NFATC3: variants seen among roughly 807,000 people sequenced by gnomAD.
The protein encoded by NFATC3 is nuclear factor of activated T-cells, cytoplasmic 3.
In NFATC3, 46 loss-of-function variants were observed where a neutral mutation model predicts 98.6. That is an observed-to-expected ratio of 0.47 (90% CI 0.37 to 0.60). The LOEUF (loss-of-function observed/expected upper bound fraction) is 0.60, where lower values mean the gene tolerates loss of function less well. Ranked by LOEUF, NFATC3 falls within the 20% of genes least tolerant of loss-of-function variation. NFATC3 has a pLI of 0.00. For synonymous variants in NFATC3, 512 were observed against 472.2 expected (o/e 1.08, Z -1.09); for missense variants, 1,256 against 1,295.5 (o/e 0.97, Z 0.47).
intron 3 of NFATC3, among the ~76,000 whole-genome samples, chr16:68,151,946 G>A (rs2038346626): frequency 6.6e-6 from 1 of 151,700 alleles, no homozygotes; most frequent in South Asian, 2.1e-4. Context: ...GCAGGCACCT[G>A]TAATCCCAGT....
intron 3 of NFATC3, among the ~76,000 whole-genome samples, chr16:68,154,082 A>AGT (rs1047323679): frequency 5.3e-5 from 8 of 151,578 alleles, no homozygotes; most frequent in Admixed American, 3.9e-4. Flanking sequence ...ATGCTCAGCT[A>AGT]GTGTGTGCGT....
At position 68,221,291 on chromosome 16, in the gene NFATC3, G is replaced by T. The variant is rs368222556; in HGVS notation, c.3107-5059G>T. ...ATATCTGAGGAATCTAGAGGTGAGA[G>T]CCTGAACCCAGAGCCCCCAGCCCGA... On this transcript the variant is annotated intron_variant, in intron 9 of 9. Coordinates refer to ENST00000346183, the MANE Select transcript of NFATC3 (RefSeq NM_173165.3). The T allele has an allele frequency of 9.3e-6, 15 of 1,613,722 alleles. No individual in the cohort carries two copies. In the African/African-American group the frequency reaches 1.7e-4, roughly 19 times the overall value.
chr16:68,118,233 T>G (rs970451849), intron 1 of NFATC3, among the ~76,000 whole-genome samples: 1 of 152,182 alleles, frequency 6.6e-6, no homozygotes, highest in Non-Finnish European at 1.5e-5. Flanking sequence ...AAAAAGGCCA[T>G]CTCTGTAATC....
At chr16:68,106,919 C>T (rs1567500293) in intron 1 of NFATC3, among the ~76,000 whole-genome samples, 1 of 152,012 alleles carries the variant, frequency 6.6e-6, no homozygotes, top group African/African-American at 2.4e-5. Context: ...TCTCGTGACC[C>T]CCACCCCCAG....
At position 68,174,525 on chromosome 16, in the gene NFATC3, T is replaced by C. The variant is rs1353644623; in HGVS notation, c.1915+11T>C. Reference sequence around the variant, plus strand: ...TTGAAAAAGGACAAGGTAAGTAATATATGAGTTGATTGACTTCAAACTAAG... The same window carrying C: ...TTGAAAAAGGACAAGGTAAGTAATACATGAGTTGATTGACTTCAAACTAAG... On this transcript the variant is annotated intron_variant, in intron 6 of 9. Transcript: ENST00000346183. 4.5e-6 allele frequency: 7 copies of C among 1,560,324 alleles called. No individual in the cohort carries two copies. The highest frequency in any genetic ancestry group is 1.9e-5 in the Admixed American group (1 of 51,636).
chr16:68,085,627 T>C lies in NFATC3; in HGVS notation c.-55T>C. On this transcript the variant is annotated 5_prime_UTR_variant, in exon 1 of 10. Coordinates refer to ENST00000346183, the MANE Select transcript of NFATC3 (RefSeq NM_173165.3). The stretch of plus-strand genomic sequence containing the variant: ...GCGTTGAGGAGCTGCTGCCGCCGCT[T>C]GCCGCTGCCGCCGCCGCCGCCTGAG... 6.9e-7 allele frequency: 1 copy of C among 1,444,012 alleles called. No individual in the cohort carries two copies. 89.4% of individuals were successfully genotyped at this position (1,444,012 alleles called of 1,614,324 possible). A position where few individuals can be genotyped will look rare whatever the true frequency, so the allele number is the denominator to read the frequency against.
intron 3 of NFATC3, among the ~76,000 whole-genome samples, chr16:68,145,072 G>A (rs546084860): frequency 1.3e-4 from 19 of 151,858 alleles, no homozygotes; most frequent in South Asian, 8.3e-4. Flanking sequence ...CCTCCCTGCC[G>A]TGGGATCACA....
In NFATC3 at chr16:68,174,519, GTAATATAT is replaced by G; in HGVS notation, c.1915+6_1915+13del. The G allele has an allele frequency of 6.3e-7, 1 of 1,585,426 alleles. No individual in the cohort carries two copies. Among genetic ancestry groups the G allele is most frequent in the Non-Finnish European group, 8.6e-7 (1 of 1,167,824 alleles). On this transcript the variant is annotated splice_donor_region_variant and intron_variant, in intron 6 of 9. Transcript: ENST00000346183. The stretch of plus-strand genomic sequence containing the variant: ...TTTTTCTTGAAAAAGGACAAGGTAA[GTAATATAT>G]GAGTTGATTGACTTCAAACTAAGGG...
At chr16:68,089,433 C>CTTAT (rs1000584242) in intron 1 of NFATC3, 2 of 303,456 alleles carry the variant, frequency 6.6e-6, no homozygotes, top group African/African-American at 4.5e-5. Flanking sequence ...CGTCAGCTTT[C>CTTAT]TTATTTATTT....
rs1198027607 is a variant in NFATC3, at chr16:68,122,651, C to T, written c.768C>T (p.Ser256=). 2 of 1,614,012 alleles carry T rather than the reference C, an allele frequency of 1.2e-6. No individual in the cohort carries two copies. The highest frequency in any genetic ancestry group is 1.7e-5 in the Admixed American group (1 of 60,002). Reference sequence around the variant, plus strand: ...GTGTCACTGATGAGAATTGGCTGAGCCCCAGGCCAGCCTCAGGACCCTCAT... The same window carrying T: ...GTGTCACTGATGAGAATTGGCTGAGTCCCAGGCCAGCCTCAGGACCCTCAT... ...RSSVTDENWL[S]PRPASGPSSR... The change falls in exon 2 of 10, where the codon AGC becomes AGT. Residue 256 remains serine (S), a synonymous_variant. Transcript: ENST00000346183.
At chr16:68,221,307 C>T (rs1161531051) in intron 9 of NFATC3, 2 of 1,612,538 alleles carry the variant, frequency 1.2e-6, no homozygotes, top group East Asian at 2.2e-5. Flanking sequence ...ACCCAGAGCC[C>T]CCAGCCCGAG....
chr16:68,142,420 G>T (rs1345871230), intron 3 of NFATC3, among the ~76,000 whole-genome samples: 2 of 152,120 alleles, frequency 1.3e-5, no homozygotes, highest in Non-Finnish European at 2.9e-5. Context: ...CTACCAATTT[G>T]TGTACATTGC....
At chr16:68,192,052 C>CA (rs1162055878) in intron 9 of NFATC3, 19 of 289,308 alleles carry the variant, frequency 6.6e-5, no homozygotes, top group African/African-American at 2.7e-4. Context: ...ACTAAAAATA[C>CA]AAAAAATTAG....
In NFATC3 at chr16:68,191,655, A is replaced by C. The variant is rs1306869381; in HGVS notation, c.2986A>C (p.Ser996Arg). 5.6e-6 allele frequency: 9 copies of C among 1,614,136 alleles called. No homozygotes were observed. The highest frequency in any genetic ancestry group is 4.5e-5 in the East Asian group (2 of 44,870). ...TGCACCTTCATCCTTAATATGTCAC[A>C]GTTTGTGTGATCCAGCGTCATTTCC... ...LSAPSSLICH[S>R]LCDPASFPPD... The change falls in exon 9 of 10, where the codon AGT becomes CGT. Residue 996 changes from serine (S) to arginine (R), a missense_variant. By Grantham distance (110) the Ser-to-Arg change is moderately radical. This residue lies in a region of NFATC3 where 636 missense variants were observed against 617.3 expected (regional missense o/e 1.03). Transcript: ENST00000346183.
In NFATC3 at chr16:68,226,928, A is replaced by AAG; in HGVS notation, c.*458_*459insGA. The AAG allele has an allele frequency of 6.7e-6, 1 of 149,308 alleles. No homozygotes were observed. Among genetic ancestry groups the AAG allele is most frequent in the Admixed American group, 6.7e-5 (1 of 14,994 alleles). 9.2% of individuals were successfully genotyped at this position (149,308 alleles called of 1,614,324 possible). ...AAAAAAAAAAAAAAAAAAAAAGAAA[A>AAG]AAAAAGAAAAGAAAAAAAGAAAAAG... On this transcript the variant is annotated 3_prime_UTR_variant, in exon 10 of 10. Transcript: ENST00000346183.
At chr16:68,143,145 G>A (rs1272819268) in intron 3 of NFATC3, among the ~76,000 whole-genome samples, 1 of 149,240 alleles carries the variant, frequency 6.7e-6, no homozygotes, top group Non-Finnish European at 1.5e-5. Flanking sequence ...AGGATTGCTT[G>A]AGCCCAGGAG....
At chr16:68,121,731 A>G (rs2036593229) in intron 1 of NFATC3, among the ~76,000 whole-genome samples, 1 of 152,120 alleles carries the variant, frequency 6.6e-6, no homozygotes, top group Admixed American at 6.6e-5. Context: ...TCTTTTTAGA[A>G]AATGTGGACA....
intron 3 of NFATC3, among the ~76,000 whole-genome samples, chr16:68,153,053 C>T (rs1025696169): frequency 2.6e-5 from 4 of 152,098 alleles, no homozygotes; most frequent in South Asian, 2.1e-4. Flanking sequence ...AAGCAGATAT[C>T]GAATGTCATT....
chr16:68,102,820 A>G (rs937400819), intron 1 of NFATC3, among the ~76,000 whole-genome samples: 9 of 152,272 alleles, frequency 5.9e-5, no homozygotes, highest in African/African-American at 1.9e-4. Context: ...GCCACTAGTA[A>G]TATATGAGGG....
Sources: gnomAD v4.1 joint callset for allele counts (sites outside exome capture counted in the v4.1 genomes callset) on GRCh38, gnomAD v4.1.1 for gene constraint, gnomAD v4.1.1 regional missense constraint, MANE v1.5 for transcripts, NCBI Gene and HGNC (gene_info 2026-07-23, HGNC 2026-07-21) for gene names.